Variants in SEC24A observed in about 807,000 individuals in gnomAD.
SEC24A encodes SEC24 homolog A, COPII component.
A neutral mutation model predicts 129.4 loss-of-function variants in SEC24A; 93 were observed. That is an observed-to-expected ratio of 0.72 (90% confidence interval 0.61 to 0.85). The LOEUF is 0.85. Ranked by LOEUF, SEC24A falls within the 40% of genes least tolerant of loss-of-function variation. The pLI, the probability that SEC24A is intolerant of heterozygous loss-of-function variation, is 0.00. For synonymous variants in SEC24A, 460 were observed against 467.3 expected, an observed-to-expected ratio of 0.98 and a Z score of 0.20; for missense variants, 1,264 against 1,307.4, an observed-to-expected ratio of 0.97 and a Z score of 0.51.
At chr5:134,675,336 A>AGAT in intron 6 of SEC24A, 119 bp downstream of exon 6, 1 of 727,708 alleles carries the variant, frequency 1.4e-6, no homozygotes, top group Non-Finnish European at 2.2e-6. Context: ...TTCTGGATAC[A>AGAT]GATGATAGAA....
intron 11 of SEC24A, among the ~76,000 whole-genome samples, chr5:134,688,566 C>T (rs541944200): frequency 6.6e-6 from 1 of 152,220 alleles, no homozygotes; most frequent in East Asian, 1.9e-4. Context: ...TTTCCCCCTT[C>T]TTCCCATTTA....
At chr5:134,703,505 C>T (rs930540917) in intron 15 of SEC24A, among the ~76,000 whole-genome samples, 9 of 152,102 alleles carry the variant, frequency 5.9e-5, no homozygotes, top group African/African-American at 2.2e-4. Flanking sequence ...TGACCTCAGG[C>T]GATCCACCCA....
chr5:134,665,298 A>G (rs1168106127), intron 2 of SEC24A, among the ~76,000 whole-genome samples: 1 of 151,110 alleles, frequency 6.6e-6, no homozygotes, highest in African/African-American at 2.4e-5. Context: ...TACTAAAAAT[A>G]CAAAAATTAG....
chr5:134,694,926 C>T (rs780417692), intron 13 of SEC24A, among the ~76,000 whole-genome samples: 1 of 151,902 alleles, frequency 6.6e-6, no homozygotes, highest in South Asian at 2.1e-4. Context: ...TTTTGAGACC[C>T]GTATTTCCCA....
rs751138697 is a variant in SEC24A at position 134,718,129 on chromosome 5, G to A, written c.2926G>A (p.Glu976Lys). 1.2e-6 allele frequency: 2 copies of A among 1,614,048 alleles called. No individual in the cohort carries two copies. Among genetic ancestry groups the A allele is most frequent in the Non-Finnish European group, 1.7e-6 (2 of 1,179,984 alleles). ...PQPPILQLSV[E>K]KLSRDGAFLM... is the part of the protein sequence containing the mutation. ...GCCCCCCATTCTTCAGCTTTCAGTGGAGAAGCTGAGCAGAGATGGAGCTTT... is the reference window on the plus strand; with the variant it reads ...GCCCCCCATTCTTCAGCTTTCAGTGAAGAAGCTGAGCAGAGATGGAGCTTT... Residue 976 changes from glutamate (E) to lysine (K), a missense_variant, in exon 20 of 23, where the codon GAG (glutamate) becomes AAG (lysine). By Grantham distance (56) the Glu-to-Lys change is moderately conservative (BLOSUM62 1). Coordinates refer to ENST00000398844, the MANE Select transcript of SEC24A (RefSeq NM_021982.3).
intron 1 of SEC24A, among the ~76,000 whole-genome samples, chr5:134,655,021 T>C (rs1189249059): frequency 6.6e-6 from 1 of 152,036 alleles, no homozygotes; most frequent in Non-Finnish European, 1.5e-5. Flanking sequence ...GGCCCAGGCT[T>C]TCCTAAAGAA....
At chr5:134,701,057 G>A (rs1367928067) in intron 15 of SEC24A, 3 of 151,480 alleles carry the variant, frequency 2.0e-5, no homozygotes, top group African/African-American at 7.3e-5. Context: ...ATGTTGGCCA[G>A]GCTGGTCTCG....
At chr5:134,712,027 G>A (rs1033692169) in intron 18 of SEC24A, among the ~76,000 whole-genome samples, 4 of 151,796 alleles carry the variant, frequency 2.6e-5, no homozygotes, top group South Asian at 4.2e-4. Flanking sequence ...GATTACAGGC[G>A]TGAGCCACCG....
At chr5:134,716,338 C>T (rs992131375) in intron 19 of SEC24A, among the ~76,000 whole-genome samples, 2 of 151,642 alleles carry the variant, frequency 1.3e-5, no homozygotes, top group East Asian at 1.9e-4. Context: ...GCTCTGGTGG[C>T]GGGTGCCTGT....
intron 1 of SEC24A, among the ~76,000 whole-genome samples, chr5:134,656,065 T>C (rs1419473462): frequency 1.3e-5 from 2 of 150,264 alleles, no homozygotes; most frequent in African/African-American, 4.9e-5. Context: ...ATCTGTCACT[T>C]TGGCTGCAGC....
At chr5:134,666,576 AAAAG>A (rs201410319) in intron 2 of SEC24A, among the ~76,000 whole-genome samples, 54 of 148,752 alleles carry the variant, frequency 3.6e-4, no homozygotes, top group Admixed American at 2.0e-3. Context: ...CAGGCAGGAG[AAAAG>A]AAAGAAAGAA....
intron 1 of SEC24A, among the ~76,000 whole-genome samples, chr5:134,651,703 A>G (rs1226927811): frequency 1.3e-5 from 2 of 151,968 alleles, no homozygotes; most frequent in Admixed American, 1.3e-4. Context: ...ACCTCAAGTG[A>G]TCCTCCTGAC....
At chr5:134,697,517 T>C (rs1751864767) in intron 14 of SEC24A, among the ~76,000 whole-genome samples, 1 of 152,088 alleles carries the variant, frequency 6.6e-6, no homozygotes, top group Non-Finnish European at 1.5e-5. Context: ...TGCAGGAGGA[T>C]TGCTTGAGCC....
intron 18 of SEC24A, among the ~76,000 whole-genome samples, chr5:134,712,525 C>T (rs1752357495): frequency 6.6e-6 from 1 of 152,166 alleles, no homozygotes; most frequent in East Asian, 1.9e-4. Flanking sequence ...ACTGGGATTA[C>T]AGACATGAGC....
At position 134,703,794 on chromosome 5, in the gene SEC24A, G is replaced by T. The variant is rs1752072458; in HGVS notation, c.2302G>T (p.Val768Phe). Reference protein sequence around the residue: ...SIHTFHGNFFVRSTDLLSLPN... With the variant: ...SIHTFHGNFFFRSTDLLSLPN... ...TCATACTTTCCATGGAAACTTCTTT[G>T]TTAGGTCAACCGACTTACTGTCTTT... is the stretch of plus-strand genomic sequence containing the variant. The change falls in exon 16 of 23, where the codon GTT becomes TTT. Residue 768 changes from valine to phenylalanine, a missense_variant. Val to Phe is a conservative substitution (Grantham distance 50). Transcript: ENST00000398844. 1 of 1,613,282 alleles carries T rather than the reference G, an allele frequency of 6.2e-7. No individual in the cohort carries two copies. Among genetic ancestry groups the T allele is most frequent in the Non-Finnish European group, 8.5e-7 (1 of 1,179,500 alleles).
intron 15 of SEC24A, among the ~76,000 whole-genome samples, chr5:134,699,089 C>T (rs936736374): frequency 6.6e-6 from 1 of 151,660 alleles, no homozygotes; most frequent in African/African-American, 2.4e-5. Flanking sequence ...CCACACCTGG[C>T]TAATTTTTTA....
intron 7 of SEC24A, among the ~76,000 whole-genome samples, chr5:134,678,211 A>G (rs1332278399): frequency 6.6e-6 from 1 of 152,134 alleles, no homozygotes; most frequent in African/African-American, 2.4e-5. Context: ...AACTTTTAAT[A>G]TGTAGGATAA....
intron 19 of SEC24A, chr5:134,715,406 G>T: frequency 2.7e-6 from 1 of 368,806 alleles, no homozygotes; most frequent in East Asian, 5.2e-5. Flanking sequence ...TTGTCAAATT[G>T]ACCAGAGCAA....
intron 1 of SEC24A, among the ~76,000 whole-genome samples, chr5:134,657,845 C>G (rs928343949): frequency 6.6e-6 from 1 of 152,120 alleles, no homozygotes; most frequent in Non-Finnish European, 1.5e-5. Flanking sequence ...TCAAAGTGCT[C>G]GGATTACAAG....
Sources: gnomAD v4.1 joint callset for allele counts (sites outside exome capture counted in the v4.1 genomes callset) on GRCh38, gnomAD v4.1.1 for gene constraint, MANE v1.5 for transcripts, NCBI Gene and HGNC (gene_info 2026-07-23, HGNC 2026-07-21) for gene names.